The following HLA-DRB1 variants were observed in gnomAD, a reference collection of about 807,000 sequenced individuals.
HLA-DRB1 encodes the protein major histocompatibility complex, class II, DR beta 1, also known as major histocompatibility complex, class II, DR beta 1 precursor.
In HLA-DRB1, 10 loss-of-function variants were observed where a neutral mutation model predicts 27.9. That is an observed-to-expected ratio of 0.36 (90% CI 0.22 to 0.61). HLA-DRB1 has a LOEUF of 0.61. Among genes scored for constraint, HLA-DRB1 ranks in the 20% least tolerant of loss-of-function variants. The pLI is 0.73. For missense variants in HLA-DRB1, 118 were observed against 306.3 expected, an observed-to-expected ratio of 0.39 and a Z score of 4.59; for synonymous variants, 57 against 126.7, an observed-to-expected ratio of 0.45 and a Z score of 3.69.
chr6:32,586,925 T>C (rs4377812), intron 1 of HLA-DRB1, among the ~76,000 whole-genome samples: 6,131 of 100,598 alleles, frequency 0.061, 188 homozygotes, highest in Non-Finnish European at 0.079. Context: ...ACATGCCAAG[T>C]CTGTCCACTT....
rs6900873 is a variant in HLA-DRB1, at chr6:32,586,380, C to G, written c.101-2002G>C. 4.2e-5 allele frequency among the ~76,000 whole-genome samples: 4 copies of G among 94,420 alleles called. 1 individual carries two copies. Among genetic ancestry groups the G allele is most frequent in the African/African-American group, 1.9e-4 (4 of 20,622 alleles). 61.9% of individuals were successfully genotyped at this position (94,420 alleles called of 152,430 possible). A position where few individuals can be genotyped will look rare whatever the true frequency, so the allele number is the denominator to read the frequency against. On this transcript the variant is annotated intron_variant, in intron 1 of 5. Transcript: ENST00000360004. ...ACTGCAAATATCGACTCCACCAAAC[C>G]CAGCACTTGCTTCTCTATCATATTC...
At chr6:32,580,519 G>A (rs28732261) in intron 4 of HLA-DRB1, among the ~76,000 whole-genome samples, 13 of 108,942 alleles carry the variant, frequency 1.2e-4, no homozygotes, top group Admixed American at 2.2e-4. Context: ...CAAACCAAAG[G>A]ACCCCTACTT....
At chr6:32,582,645 A>AT (rs2150771646) in intron 2 of HLA-DRB1, among the ~76,000 whole-genome samples, 1 of 99,712 alleles carries the variant, frequency 1.0e-5, no homozygotes, top group South Asian at 3.4e-4. Context: ...AGAGAGAAGG[A>AT]TTAGGGAACG....
chr6:32,584,169 C>A, exon 2 of HLA-DRB1: 3 of 1,236,214 alleles, frequency 2.4e-6, no homozygotes, highest in South Asian at 1.2e-5. Flanking sequence ...TAGGTGTCCA[C>A]CGCGGCCCGC....
chr6:32,580,475 C>G (rs12110876), intron 4 of HLA-DRB1, among the ~76,000 whole-genome samples: 311 of 107,234 alleles, frequency 2.9e-3, no homozygotes, highest in East Asian at 0.016. Context: ...TTCCATTAGC[C>G]TTAGTGGCTC....
Position 32,581,838 on chromosome 6 carries a change from AC to A in HLA-DRB1, c.371-1del. Reference sequence around the variant, plus strand: ...AGGATATACAGTCACCTTAGGTTGGACTAGGAGAAAAACAACGTAGAGGGAA... The same window carrying A: ...AGGATATACAGTCACCTTAGGTTGGATAGGAGAAAAACAACGTAGAGGGAA... On this transcript the variant is annotated splice_acceptor_variant, in intron 2 of 5. Coordinates refer to ENST00000360004, the Ensembl canonical transcript of HLA-DRB1. LOFTEE classifies it high-confidence loss of function. The A allele has an allele frequency of 2.5e-6, 3 of 1,181,962 alleles. No individual in the cohort carries two copies. The highest frequency in any genetic ancestry group is 2.2e-5 in the Admixed American group (1 of 46,502). The allele number at this position is 1,181,962 out of a possible 1,614,324, so 73.2% of individuals were successfully genotyped here. A position where few individuals can be genotyped will look rare whatever the true frequency, so the allele number is the denominator to read the frequency against.
At chr6:32,588,761 A>C (rs28724208) in intron 1 of HLA-DRB1, among the ~76,000 whole-genome samples, 1 of 68,314 alleles carries the variant, frequency 1.5e-5, no homozygotes, top group Non-Finnish European at 3.0e-5. Flanking sequence ...ACATTATTAA[A>C]TTTCTGATAG....
chr6:32,582,918 C>T (rs28724021), intron 2 of HLA-DRB1, among the ~76,000 whole-genome samples: 32,968 of 129,048 alleles, frequency 0.26, 5,621 homozygotes, highest in East Asian at 0.36. Flanking sequence ...CACAAAATGG[C>T]AGATTTCAGA....
At chr6:32,587,493 AC>A (rs143954774) in intron 1 of HLA-DRB1, among the ~76,000 whole-genome samples, 21,819 of 42,400 alleles carry the variant, frequency 0.51, 9,056 homozygotes, top group Middle Eastern at 0.6. Flanking sequence ...TCTGTGTCCT[AC>A]CCTCATCTTC....
intron 1 of HLA-DRB1, among the ~76,000 whole-genome samples, chr6:32,589,180 A>G (rs1776982161): frequency 1.7e-5 from 1 of 58,694 alleles, no homozygotes; most frequent in African/African-American, 7.0e-5. Flanking sequence ...ATCCTCACAT[A>G]TGAGGACTAT....
rs530753715 is a variant in HLA-DRB1, at chr6:32,589,312, A to G, written c.100+331T>C. Among the ~76,000 whole-genome samples the G allele has an allele frequency of 3.7e-3, 546 of 149,006 alleles. 22 individuals are homozygous for G. The highest frequency in any genetic ancestry group is 0.013 in the African/African-American group (528 of 40,176). ...CTCCTTTTGTCTGACATAAGTCAAC[A>G]TAATAAAGGGAAGTGCTGTATGGGG... On this transcript the variant is annotated intron_variant, in intron 1 of 5. Transcript: ENST00000360004.
Position 32,581,030 on chromosome 6 carries a change from TC to T in HLA-DRB1, c.653-175del, listed in dbSNP as rs1407253171. On this transcript the variant is annotated intron_variant, in intron 3 of 5. Transcript: ENST00000360004. ...AAATTACACTGAACAGTTACGACGT[TC>T]AGACATCAAACTCATTCAAATATTA... Among the ~76,000 whole-genome samples, 834 of 83,726 alleles carry T rather than the reference TC, an allele frequency of 1.0e-2. 31 individuals carry two copies. The highest frequency in any genetic ancestry group is 0.021 in the Middle Eastern group (4 of 192). 54.9% of individuals were successfully genotyped at this position (83,726 alleles called of 152,430 possible).
intron 2 of HLA-DRB1, among the ~76,000 whole-genome samples, chr6:32,583,844 A>T (rs9269926): frequency 0.25 from 10,336 of 41,122 alleles, 3,328 homozygotes; most frequent in Non-Finnish European, 0.27. Context: ...AGGATAAGAA[A>T]CAGCCCCCTC....
At chr6:32,580,640 A>T in intron 4 of HLA-DRB1, 106 bp downstream of exon 4, 2 of 1,051,756 alleles carry the variant, frequency 1.9e-6, no homozygotes, top group Non-Finnish European at 2.8e-6. Flanking sequence ...GGGGAAAGAA[A>T]GGCTTTATTC....
At chr6:32,589,494 A>G (rs9270282) in intron 1 of HLA-DRB1, 149 bp downstream of exon 1, 18 of 308,246 alleles carry the variant, frequency 5.8e-5, no homozygotes, top group South Asian at 3.5e-4. Flanking sequence ...CCTTTTATGG[A>G]GGAAATAATT....
chr6:32,582,247 A>G (rs755858035), intron 2 of HLA-DRB1, among the ~76,000 whole-genome samples: 3 of 146,118 alleles, frequency 2.1e-5, no homozygotes, highest in African/African-American at 5.2e-5. Flanking sequence ...ATGAAGGATA[A>G]TTATACTAAT....
intron 2 of HLA-DRB1, among the ~76,000 whole-genome samples, chr6:32,582,256 A>T: frequency 6.9e-6 from 1 of 144,600 alleles, no homozygotes. Flanking sequence ...AATTATACTA[A>T]TTTACCTCTT....
At chr6:32,581,085 A>G (rs1418141236) in intron 3 of HLA-DRB1, among the ~76,000 whole-genome samples, 1 of 91,554 alleles carries the variant, frequency 1.1e-5, no homozygotes, top group Non-Finnish European at 2.3e-5. Flanking sequence ...CAAGTTCAAC[A>G]TCTGATCCAC....
intron 1 of HLA-DRB1, among the ~76,000 whole-genome samples, chr6:32,587,852 G>C (rs17203741): frequency 0.056 from 6,871 of 123,702 alleles, 279 homozygotes; most frequent in East Asian, 0.068. Context: ...ATGAGAGTAG[G>C]GACGCTCTCT....
Sources: allele counts gnomAD v4.1 joint callset (sites outside exome capture counted in the v4.1 genomes callset), GRCh38; gene constraint gnomAD v4.1.1; transcripts MANE v1.5; gene names NCBI Gene and HGNC (gene_info 2026-07-23, HGNC 2026-07-21).